Variants in SRBD1 observed in about 807,000 individuals in gnomAD.
The protein encoded by SRBD1 is S1 RNA binding domain 1, also known as S1 RNA-binding domain-containing protein 1.
Under a neutral mutation model 115.3 loss-of-function variants are expected in SRBD1, and 88 were observed. The observed-to-expected ratio is 0.76, with a 90% CI of 0.64 to 0.91. The LOEUF is 0.91. SRBD1 is among the 40% of genes least tolerant of loss of function. The probability of loss-of-function intolerance (pLI) is 0.00; values close to 1 mark genes in which losing one functional copy is unlikely to be tolerated. For missense variants in SRBD1, 1,385 were observed against 1,177.4 expected (o/e 1.18, Z -2.58); for synonymous variants, 509 against 407.7 (o/e 1.25, Z -2.99).
intron 14 of SRBD1, among the ~76,000 whole-genome samples, chr2:45,520,461 G>A (rs571948974): frequency 1.5e-4 from 23 of 152,328 alleles, no homozygotes; most frequent in Non-Finnish European, 2.9e-4. Flanking sequence ...CAGGAGACAG[G>A]GAAATACGGG....
At chr2:45,598,062 T>C (rs988653787) in intron 4 of SRBD1, among the ~76,000 whole-genome samples, 2 of 152,216 alleles carry the variant, frequency 1.3e-5, no homozygotes, top group Non-Finnish European at 2.9e-5. Flanking sequence ...CCTGCCTCTG[T>C]AGGCCTGGTC....
chr2:45,461,296 G>A (rs1669308259), intron 16 of SRBD1, among the ~76,000 whole-genome samples: 1 of 152,172 alleles, frequency 6.6e-6, no homozygotes, highest in African/African-American at 2.4e-5. Context: ...GCAGTTAAAT[G>A]GCTTACTGAT....
At chr2:45,393,694 C>T (rs965368577) in intron 19 of SRBD1, among the ~76,000 whole-genome samples, 9 of 152,300 alleles carry the variant, frequency 5.9e-5, no homozygotes, top group Middle Eastern at 3.4e-3. Flanking sequence ...ATATTTTACA[C>T]TATAATATTC....
At chr2:45,449,440 A>T (rs897444403) in intron 16 of SRBD1, among the ~76,000 whole-genome samples, 4 of 152,202 alleles carry the variant, frequency 2.6e-5, no homozygotes, top group African/African-American at 4.8e-5. Flanking sequence ...CACTTATTTA[A>T]AAGTAATTTT....
Position 45,388,932 on chromosome 2 carries a change from C to T in SRBD1, c.*378G>A, listed in dbSNP as rs1428444796. 1 of 183,202 alleles carries T rather than the reference C, an allele frequency of 5.5e-6. No homozygotes were observed. The highest frequency in any genetic ancestry group is 1.1e-5 in the Non-Finnish European group (1 of 87,196). 11.3% of individuals were successfully genotyped at this position (183,202 alleles called of 1,614,324 possible). Reference sequence around the variant, plus strand: ...CTGTGTCAACAAAGACGGTACAATTCAAATCAAGAAGACAATCCCATACAA... The same window carrying T: ...CTGTGTCAACAAAGACGGTACAATTTAAATCAAGAAGACAATCCCATACAA... On this transcript the variant is annotated 3_prime_UTR_variant, in exon 21 of 21. Coordinates refer to ENST00000263736, the MANE Select transcript of SRBD1 (RefSeq NM_018079.5).
rs1436578793 is a variant in SRBD1, at chr2:45,502,379, C to A, written c.1875-14048G>T. ...TCATGCTGCTATAAAGACACATGCA[C>A]ATGTATGTTTAATACAGCACTATTC... On this transcript the variant is annotated intron_variant, in intron 14 of 20. Coordinates refer to ENST00000263736, the MANE Select transcript of SRBD1 (RefSeq NM_018079.5). 3.3e-5 allele frequency among the ~76,000 whole-genome samples: 5 copies of A among 152,300 alleles called. No individual in the cohort carries two copies. In the South Asian group the frequency reaches 8.3e-4, roughly 25 times the overall value.
At chr2:45,405,892 A>G (rs368821399) in intron 19 of SRBD1, among the ~76,000 whole-genome samples, 2 of 152,134 alleles carry the variant, frequency 1.3e-5, no homozygotes, top group South Asian at 4.1e-4. Flanking sequence ...AATGAAAAGA[A>G]GGAGTGATGG....
intron 7 of SRBD1, among the ~76,000 whole-genome samples, chr2:45,575,137 C>T (rs1673138835): frequency 6.6e-6 from 1 of 152,144 alleles, no homozygotes; most frequent in Non-Finnish European, 1.5e-5. Context: ...TTAATAGAGT[C>T]AAAACCCAAG....
intron 16 of SRBD1, among the ~76,000 whole-genome samples, chr2:45,463,425 A>G (rs896921050): frequency 3.3e-5 from 5 of 152,304 alleles, no homozygotes; most frequent in Non-Finnish European, 7.3e-5. Flanking sequence ...TCACACTCCA[A>G]CACACATATA....
intron 9 of SRBD1, among the ~76,000 whole-genome samples, chr2:45,571,167 T>C (rs992398749): frequency 2.6e-5 from 4 of 152,114 alleles, no homozygotes; most frequent in Non-Finnish European, 5.9e-5. Flanking sequence ...GGCAGAGCTG[T>C]TAATGGCCTC....
At chr2:45,459,673 C>T (rs1232034764) in intron 16 of SRBD1, among the ~76,000 whole-genome samples, 1 of 152,128 alleles carries the variant, frequency 6.6e-6, no homozygotes, top group African/African-American at 2.4e-5. Context: ...CCTTGAGGCA[C>T]TTCCATGTCT....
intron 18 of SRBD1, 28 bp downstream of exon 18, chr2:45,418,337 T>C (rs761786204): frequency 3.1e-6 from 5 of 1,600,582 alleles, no homozygotes; most frequent in Admixed American, 3.5e-5. Flanking sequence ...AGGTTGACAA[T>C]AGAATCAAAG....
At chr2:45,490,456 C>A (rs576505913) in intron 14 of SRBD1, among the ~76,000 whole-genome samples, 1 of 152,236 alleles carries the variant, frequency 6.6e-6, no homozygotes, top group East Asian at 1.9e-4. Context: ...ATGGAAAATT[C>A]ATTTTTAAAT....
intron 20 of SRBD1, among the ~76,000 whole-genome samples, chr2:45,392,686 C>A (rs555841929): frequency 6.6e-6 from 1 of 152,202 alleles, no homozygotes; most frequent in Non-Finnish European, 1.5e-5. Context: ...TACAGCAGTA[C>A]ATGCATGATG....
intron 16 of SRBD1, chr2:45,447,180 G>T (rs942107544): frequency 2.0e-5 from 3 of 152,302 alleles, no homozygotes; most frequent in African/African-American, 7.2e-5. Context: ...GTCGGGCGCA[G>T]TGGCTCACGC....
intron 7 of SRBD1, among the ~76,000 whole-genome samples, chr2:45,578,942 C>A (rs1344193657): frequency 6.6e-6 from 1 of 152,118 alleles, no homozygotes; most frequent in Non-Finnish European, 1.5e-5. Flanking sequence ...ACTCACTTCA[C>A]TATGTATTAA....
intron 19 of SRBD1, among the ~76,000 whole-genome samples, chr2:45,409,386 T>C (rs1667529549): frequency 1.3e-5 from 2 of 152,016 alleles, no homozygotes. Context: ...ATACAATTAT[T>C]ATGGAACCAC....
At chr2:45,554,199 T>G (rs1672398480) in intron 10 of SRBD1, among the ~76,000 whole-genome samples, 1 of 152,168 alleles carries the variant, frequency 6.6e-6, no homozygotes, top group South Asian at 2.1e-4. Context: ...ACAGAGGGCT[T>G]GCTCTTTCTC....
chr2:45,573,173 G>A (rs772085459), intron 9 of SRBD1, 34 bp downstream of exon 9: 99 of 1,533,672 alleles, frequency 6.5e-5, no homozygotes, highest in Non-Finnish European at 8.0e-5. Flanking sequence ...TCATTATTAC[G>A]AAATCAGCAT....
Sources: gnomAD v4.1 joint callset for allele counts (sites outside exome capture counted in the v4.1 genomes callset) on GRCh38, gnomAD v4.1.1 for gene constraint, MANE v1.5 for transcripts, NCBI Gene and HGNC (gene_info 2026-07-23, HGNC 2026-07-21) for gene names.